The following AFF2 variants were observed in gnomAD, a reference collection of about 807,000 sequenced individuals.
AFF2 encodes the protein AF4/FMR2 family member 2.
A neutral mutation model predicts 76.9 loss-of-function variants in AFF2; 14 were observed. The ratio of observed to expected loss-of-function variants is 0.18; its 90% CI spans 0.12 to 0.28. The LOEUF (loss-of-function observed/expected upper bound fraction) is 0.28. AFF2 is among the 10% of genes least tolerant of loss of function. The pLI, the probability that AFF2 is intolerant of heterozygous loss-of-function variation, is 1.00. For synonymous variants in AFF2, 398 were observed against 366.7 expected, an observed-to-expected ratio of 1.09 and a Z score of -0.98; for missense variants, 868 against 1,001.1, an observed-to-expected ratio of 0.87 and a Z score of 1.79.
intron 7 of AFF2, among the ~76,000 whole-genome samples, chrX:148,880,240 G>GA (rs1163358575): frequency 9.0e-6 from 1 of 111,688 alleles, no homozygotes; most frequent in South Asian, 3.8e-4. Flanking sequence ...CTCCTAAGGG[G>GA]AAAAAACAGC....
intron 7 of AFF2, among the ~76,000 whole-genome samples, chrX:148,853,735 TC>T (rs1453355031): frequency 8.9e-6 from 1 of 111,820 alleles, no homozygotes; most frequent in African/African-American, 3.3e-5. Flanking sequence ...AATCAAAAGA[TC>T]AACTGCCAAT....
At chrX:148,971,297 T>C (rs891961691) in intron 15 of AFF2, among the ~76,000 whole-genome samples, 1 of 102,976 alleles carries the variant, frequency 9.7e-6, no homozygotes, top group Non-Finnish European at 2.0e-5. Flanking sequence ...GACATGTCAC[T>C]GTCCTTTTGT....
intron 1 of AFF2, among the ~76,000 whole-genome samples, chrX:148,520,845 A>C (rs1385503170): frequency 8.9e-6 from 1 of 112,461 alleles, no homozygotes; most frequent in Non-Finnish European, 1.9e-5. Context: ...AGTTTTGATC[A>C]ATCTCTTTCA....
At chrX:148,537,111 T>C (rs2052794307) in intron 1 of AFF2, among the ~76,000 whole-genome samples, 1 of 112,552 alleles carries the variant, frequency 8.9e-6, no homozygotes, top group Non-Finnish European at 1.9e-5. Flanking sequence ...TGACTTAAAC[T>C]TCAGGAATTC....
intron 3 of AFF2, among the ~76,000 whole-genome samples, chrX:148,663,096 T>C (rs1358562958): frequency 2.7e-5 from 3 of 112,308 alleles, no homozygotes; most frequent in African/African-American, 9.7e-5. Context: ...AGATTATAAT[T>C]GGTCATAAGT....
chrX:148,618,538 T>C (rs1362296036), intron 1 of AFF2, among the ~76,000 whole-genome samples: 4 of 111,373 alleles, frequency 3.6e-5, no homozygotes, highest in Non-Finnish European at 7.6e-5. Flanking sequence ...TGGGGATTAT[T>C]ATAATTGAAG....
chrX:148,930,528 C>T (rs1203027879), intron 9 of AFF2, among the ~76,000 whole-genome samples: 1 of 112,359 alleles, frequency 8.9e-6, no homozygotes, highest in Non-Finnish European at 1.9e-5. Flanking sequence ...CTAGTGATCA[C>T]CTCAAATAGC....
intron 1 of AFF2, among the ~76,000 whole-genome samples, chrX:148,508,752 A>G (rs73616497): frequency 0.037 from 4,097 of 111,665 alleles, 63 homozygotes; most frequent in African/African-American, 0.052. Flanking sequence ...AGTGTGATGG[A>G]TGTTTCTGAT....
chrX:148,775,759 C>T (rs2069658345), intron 3 of AFF2, among the ~76,000 whole-genome samples: 1 of 111,072 alleles, frequency 9.0e-6, no homozygotes, highest in African/African-American at 3.3e-5. Context: ...CTCCTTGTGT[C>T]TGTCCCCAAA....
chrX:148,734,421 G>A (rs2055262343), intron 3 of AFF2, among the ~76,000 whole-genome samples: 1 of 111,687 alleles, frequency 9.0e-6, no homozygotes, highest in Non-Finnish European at 1.9e-5. Flanking sequence ...TCCCTACTGT[G>A]TTGCAGAGAG....
chrX:148,973,745 G>A, intron 16 of AFF2, 138 bp downstream of exon 16: 1 of 632,280 alleles, frequency 1.6e-6, no homozygotes, highest in South Asian at 4.9e-5. Flanking sequence ...ATTAGTTCTT[G>A]CCATTTTATT....
intron 3 of AFF2, among the ~76,000 whole-genome samples, chrX:148,705,215 C>G (rs2054867732): frequency 8.9e-6 from 1 of 111,839 alleles, no homozygotes; most frequent in African/African-American, 3.3e-5. Context: ...TCCCCACTCC[C>G]CAACACAGTA....
intron 3 of AFF2, among the ~76,000 whole-genome samples, chrX:148,672,385 A>G (rs1315895054): frequency 8.9e-6 from 1 of 112,253 alleles, no homozygotes; most frequent in African/African-American, 3.2e-5. Flanking sequence ...TTTTCTGCAG[A>G]AACTTAGTCT....
intron 3 of AFF2, among the ~76,000 whole-genome samples, chrX:148,678,020 T>C (rs1395944388): frequency 1.8e-5 from 2 of 112,159 alleles, no homozygotes; most frequent in African/African-American, 3.2e-5. Context: ...GTTCCTAGGA[T>C]TGCAATTATG....
intron 4 of AFF2, among the ~76,000 whole-genome samples, chrX:148,812,771 C>T (rs960577792): frequency 9.8e-5 from 11 of 111,789 alleles, no homozygotes; most frequent in Non-Finnish European, 2.1e-4. Context: ...TATGGAAATA[C>T]TTTTGCCTTA....
At chrX:148,832,431 T>A (rs2070465957) in intron 4 of AFF2, among the ~76,000 whole-genome samples, 1 of 112,350 alleles carries the variant, frequency 8.9e-6, no homozygotes, top group African/African-American at 3.2e-5. Context: ...ACTTCCAAAA[T>A]TGCATTTATT....
At chrX:148,772,783 G>C (rs1442893764) in intron 3 of AFF2, among the ~76,000 whole-genome samples, 1 of 111,177 alleles carries the variant, frequency 9.0e-6, no homozygotes, top group Admixed American at 9.6e-5. Flanking sequence ...TTGTCATGGA[G>C]TTAGCCCTAT....
intron 1 of AFF2, among the ~76,000 whole-genome samples, chrX:148,629,220 A>G (rs1488949055): frequency 9.0e-6 from 1 of 110,578 alleles, no homozygotes; most frequent in Admixed American, 9.7e-5. Flanking sequence ...AGGGGACAGG[A>G]CTGATTAGCC....
chrX:148,914,879 G>A (rs1216737452), intron 9 of AFF2, among the ~76,000 whole-genome samples: 1 of 112,559 alleles, frequency 8.9e-6, no homozygotes, highest in African/African-American at 3.2e-5. Context: ...CAAAACATAA[G>A]CACAGTAGGG....
Sources: allele counts gnomAD v4.1 joint callset (sites outside exome capture counted in the v4.1 genomes callset), GRCh38; gene constraint gnomAD v4.1.1; transcripts MANE v1.5; gene names NCBI Gene and HGNC (gene_info 2026-07-23, HGNC 2026-07-21).